Variants in ADAM9 observed in about 807,000 individuals in gnomAD.
The protein encoded by ADAM9 is ADAM metallopeptidase domain 9, also known as disintegrin and metalloproteinase domain-containing protein 9.
ADAM9 carries 54 observed loss-of-function variants against 108.1 expected under a neutral mutation model. The ratio of observed to expected loss-of-function variants is 0.50; its 90% CI spans 0.40 to 0.63. The LOEUF is 0.63. Among genes scored for constraint, ADAM9 ranks in the 20% least tolerant of loss-of-function variants. The pLI is 0.00. For missense variants in ADAM9, 830 were observed against 997.7 expected (o/e 0.83, Z 2.26); for synonymous variants, 316 against 336.0 (o/e 0.94, Z 0.65).
chr8:39,071,154 G>T (rs1838673460), intron 14 of ADAM9, 144 bp from the exon 15 acceptor site: 1 of 650,144 alleles, frequency 1.5e-6, no homozygotes, highest in Non-Finnish European at 2.6e-6. Flanking sequence ...TGTATCATGT[G>T]TGAGGCAGGA....
intron 20 of ADAM9, 66 bp from the exon 21 acceptor site, chr8:39,101,797 C>A: frequency 1.6e-6 from 2 of 1,250,282 alleles, no homozygotes; most frequent in East Asian, 2.4e-5. Flanking sequence ...ATGTAGATTT[C>A]TTCTATTTAG....
At chr8:39,064,849 T>C (rs1262207491) in intron 14 of ADAM9, among the ~76,000 whole-genome samples, 2 of 152,226 alleles carry the variant, frequency 1.3e-5, no homozygotes, top group Non-Finnish European at 2.9e-5. Context: ...TGTCACAGTT[T>C]TGAAGGCATT....
At chr8:39,065,148 T>A (rs955709969) in intron 14 of ADAM9, among the ~76,000 whole-genome samples, 4 of 152,088 alleles carry the variant, frequency 2.6e-5, no homozygotes, top group African/African-American at 9.7e-5. Context: ...TTACTAGATT[T>A]CCTTGGATTT....
chr8:39,077,827 C>T (rs1564358938), intron 16 of ADAM9, among the ~76,000 whole-genome samples: 1 of 152,168 alleles, frequency 6.6e-6, no homozygotes, highest in East Asian at 1.9e-4. Flanking sequence ...AGTCAGTCAG[C>T]CCATGACTTA....
chr8:39,048,190 G>A (rs777193806), intron 12 of ADAM9, among the ~76,000 whole-genome samples: 4 of 152,138 alleles, frequency 2.6e-5, no homozygotes, highest in African/African-American at 4.8e-5. Context: ...GATTACAGGC[G>A]TGAGCCACCA....
chr8:39,022,769 A>G (rs1836786825), intron 8 of ADAM9, among the ~76,000 whole-genome samples: 1 of 152,012 alleles, frequency 6.6e-6, no homozygotes, highest in Admixed American at 6.5e-5. Flanking sequence ...GCTGGAGTCC[A>G]GTGGCGCAAT....
chr8:39,045,212 A>G (rs1588376408), intron 12 of ADAM9, among the ~76,000 whole-genome samples: 1 of 115,124 alleles, frequency 8.7e-6, no homozygotes. Context: ...ATATATGTGT[A>G]TACATACATA....
chr8:39,042,201 C>T, intron 12 of ADAM9, 84 bp downstream of exon 12: 1 of 1,469,534 alleles, frequency 6.8e-7, no homozygotes, highest in Non-Finnish European at 9.5e-7. Context: ...GCAACTCTGA[C>T]ATAGGAGCTA....
At position 39,023,333 on chromosome 8, in the gene ADAM9, T is replaced by A. The variant is rs377447230; in HGVS notation, c.914+8T>A. The A allele has an allele frequency of 2.8e-3, 3,527 of 1,266,042 alleles. 28 individuals carry two copies. Among genetic ancestry groups the A allele is most frequent in the South Asian group, 0.017 (1,093 of 66,050 alleles). 78.4% of individuals were successfully genotyped at this position (1,266,042 alleles called of 1,614,324 possible). On this transcript the variant is annotated splice_region_variant and intron_variant, in intron 9 of 21. Coordinates refer to ENST00000487273, the MANE Select transcript of ADAM9 (RefSeq NM_003816.3). ...CAGTGCACAGCTAGTTCTGTAAGTA[T>A]TTTTTTTTTAAGTACTATTAATGAA...
At chr8:39,072,618 C>T (rs767150084) in intron 15 of ADAM9, among the ~76,000 whole-genome samples, 5 of 152,192 alleles carry the variant, frequency 3.3e-5, no homozygotes, top group South Asian at 2.1e-4. Context: ...ATGTGGCCTG[C>T]GGCCACAGGG....
At chr8:39,051,386 A>G (rs1399028810) in intron 12 of ADAM9, among the ~76,000 whole-genome samples, 1 of 152,162 alleles carries the variant, frequency 6.6e-6, no homozygotes, top group East Asian at 1.9e-4. Flanking sequence ...TAGCCTCTCA[A>G]CTAGTTTCTG....
intron 12 of ADAM9, among the ~76,000 whole-genome samples, chr8:39,052,149 T>C (rs1194433843): frequency 6.6e-6 from 1 of 152,156 alleles, no homozygotes; most frequent in Non-Finnish European, 1.5e-5. Flanking sequence ...ACCCATAGTC[T>C]TACCAGCACA....
At chr8:39,050,724 T>A (rs907782272) in intron 12 of ADAM9, among the ~76,000 whole-genome samples, 10 of 152,076 alleles carry the variant, frequency 6.6e-5, no homozygotes, top group Non-Finnish European at 1.2e-4. Context: ...CCTATCAGTG[T>A]TCTGAGAGGG....
At chr8:39,046,976 C>A (rs1338019575) in intron 12 of ADAM9, among the ~76,000 whole-genome samples, 1 of 152,158 alleles carries the variant, frequency 6.6e-6, no homozygotes, top group African/African-American at 2.4e-5. Flanking sequence ...GCTACATTGC[C>A]TAGACTGGTC....
intron 11 of ADAM9, among the ~76,000 whole-genome samples, chr8:39,034,923 T>A (rs887597077): frequency 3.9e-5 from 6 of 152,250 alleles, no homozygotes; most frequent in African/African-American, 1.4e-4. Flanking sequence ...TATGTCTTCA[T>A]ATCCTGCTTA....
At chr8:39,034,629 T>G (rs1837209940) in intron 11 of ADAM9, among the ~76,000 whole-genome samples, 1 of 152,188 alleles carries the variant, frequency 6.6e-6, no homozygotes. Context: ...TTCTGTTTTT[T>G]GAGGATATTT....
intron 11 of ADAM9, among the ~76,000 whole-genome samples, chr8:39,027,126 T>C (rs774286713): frequency 7.9e-5 from 12 of 152,196 alleles, no homozygotes; most frequent in African/African-American, 1.2e-4. Flanking sequence ...AAACCAGTTA[T>C]AGACTGAAAG....
chr8:39,069,247 TA>T (rs552305990), intron 14 of ADAM9, among the ~76,000 whole-genome samples: 122 of 144,854 alleles, frequency 8.4e-4, no homozygotes, highest in African/African-American at 2.1e-3. Flanking sequence ...GTTTATGAAT[TA>T]AAAAAAAAAA....
At chr8:39,047,068 C>T (rs1460903992) in intron 12 of ADAM9, among the ~76,000 whole-genome samples, 1 of 152,196 alleles carries the variant, frequency 6.6e-6, no homozygotes, top group East Asian at 1.9e-4. Context: ...TGCACCTGAT[C>T]TCATTAATTG....
Sources: allele counts gnomAD v4.1 joint callset (sites outside exome capture counted in the v4.1 genomes callset), GRCh38; gene constraint gnomAD v4.1.1; transcripts MANE v1.5; gene names NCBI Gene and HGNC (gene_info 2026-07-23, HGNC 2026-07-21).